Variants in KIF15 observed in about 807,000 individuals in gnomAD.
KIF15 encodes kinesin family member 15, also known as kinesin-like protein KIF15.
KIF15 carries 140 observed loss-of-function variants against 190.6 expected under a neutral mutation model. The observed-to-expected ratio is 0.73, with a 90% CI of 0.64 to 0.84. The LOEUF (loss-of-function observed/expected upper bound fraction) is 0.84, where lower values mean the gene tolerates loss of function less well. KIF15 is among the 40% of genes least tolerant of loss of function. The pLI is 0.00. For synonymous variants in KIF15, 528 were observed against 551.3 expected, an observed-to-expected ratio of 0.96 and a Z score of 0.59; for missense variants, 1,372 against 1,584.4, an observed-to-expected ratio of 0.87 and a Z score of 2.28.
intron 10 of KIF15, among the ~76,000 whole-genome samples, chr3:44,799,561 CT>C (rs749598603): frequency 2.2e-3 from 306 of 140,302 alleles, no homozygotes; most frequent in Non-Finnish European, 2.0e-3. Context: ...AATTAATCAA[CT>C]TTTTTTTTTT....
intron 10 of KIF15, among the ~76,000 whole-genome samples, chr3:44,799,583 G>A (rs1707162383): frequency 6.9e-6 from 1 of 144,664 alleles, no homozygotes; most frequent in Admixed American, 7.0e-5. Flanking sequence ...TTTTGAGATA[G>A]AGTCTCGCTC....
chr3:44,833,847 AT>A (rs1698185364), intron 26 of KIF15, among the ~76,000 whole-genome samples: 1 of 152,226 alleles, frequency 6.6e-6, no homozygotes, highest in Non-Finnish European at 1.5e-5. Context: ...TAGCAAGCCA[AT>A]TGAAAAGTTA....
chr3:44,779,185 C>G (rs1349952850), intron 4 of KIF15, among the ~76,000 whole-genome samples: 1 of 152,116 alleles, frequency 6.6e-6, no homozygotes, highest in Non-Finnish European at 1.5e-5. Flanking sequence ...TGTCCCTTTG[C>G]TATAGCTCAT....
intron 1 of KIF15, among the ~76,000 whole-genome samples, chr3:44,768,450 T>C (rs1281244035): frequency 2.6e-5 from 4 of 152,104 alleles, no homozygotes; most frequent in Admixed American, 2.6e-4. Context: ...AAAAGTGTGA[T>C]ACACCAGCTG....
chr3:44,770,315 G>A (rs969518185), intron 1 of KIF15, among the ~76,000 whole-genome samples: 2 of 152,042 alleles, frequency 1.3e-5, no homozygotes, highest in African/African-American at 2.4e-5. Context: ...TTTTACAGAG[G>A]GCTTTTAGAT....
intron 32 of KIF15, among the ~76,000 whole-genome samples, chr3:44,850,602 A>G (rs1417464991): frequency 1.3e-5 from 2 of 152,220 alleles, no homozygotes; most frequent in Non-Finnish European, 2.9e-5. Context: ...AGCCTACAAC[A>G]GCAATTTTAA....
At chr3:44,787,145 T>G (rs1706445847) in intron 7 of KIF15, among the ~76,000 whole-genome samples, 1 of 152,256 alleles carries the variant, frequency 6.6e-6, no homozygotes, top group African/African-American at 2.4e-5. Context: ...AGGAGGCTTT[T>G]AGACAATTTA....
rs145081859 is a variant in KIF15 at position 44,811,005 on chromosome 3, G to C, written c.2131G>C (p.Ala711Pro). Residue 711 changes from alanine (A) to proline (P), a missense_variant, in exon 17 of 35, where the codon GCT becomes CCT. By Grantham distance (27) the Ala-to-Pro change is conservative. Transcript: ENST00000326047. ...AGTTCCTCCTGAGATGAATGAACAAGCTTTTGAGGCCATTTCTGAAGAGCT... is the reference window on the plus strand; with the variant it reads ...AGTTCCTCCTGAGATGAATGAACAACCTTTTGAGGCCATTTCTGAAGAGCT... The part of the protein sequence containing the change: ...EPVPPEMNEQ[A>P]FEAISEELRT... 8.1e-5 allele frequency: 130 copies of C among 1,613,638 alleles called. No individual in the cohort carries two copies. In the African/African-American group the frequency reaches 1.5e-3, roughly 19 times the overall value.
chr3:44,848,458 T>C lies in KIF15; in HGVS notation c.3769-63T>C, dbSNP rs1455589903. On this transcript the variant is annotated intron_variant, in intron 31 of 34. Transcript: ENST00000326047. Reference sequence around the variant, plus strand: ...ATGGGCTGGTTCCTTTCTATCTTTTTTAAGCAATGTTATTTAAGAACCTAA... The same window carrying C: ...ATGGGCTGGTTCCTTTCTATCTTTTCTAAGCAATGTTATTTAAGAACCTAA... The C allele has an allele frequency of 4.0e-6, 3 of 756,332 alleles. No homozygotes were observed. In the African/African-American group the frequency reaches 5.4e-5, roughly 14 times the overall value. The allele number at this position is 756,332 out of a possible 1,614,324, so 46.9% of individuals were successfully genotyped here.
chr3:44,777,647 C>T (rs370568646), intron 3 of KIF15, among the ~76,000 whole-genome samples: 3 of 152,042 alleles, frequency 2.0e-5, no homozygotes, highest in Non-Finnish European at 2.9e-5. Context: ...GCCGAGATTG[C>T]GCCATTGCAC....
intron 20 of KIF15, among the ~76,000 whole-genome samples, chr3:44,815,840 C>T (rs114967724): frequency 0.019 from 2,839 of 152,172 alleles, 75 homozygotes; most frequent in African/African-American, 0.064. Context: ...ATGAATGTTA[C>T]ACTGTGAATG....
In KIF15 at chr3:44,796,730, AT is replaced by A. The variant is rs563149261; in HGVS notation, c.850-815del. The stretch of plus-strand genomic sequence containing the variant: ...AAATCTAATGTAACGTATTTAGCTC[AT>A]TTTTTCCCCCCACCAAGCTTCTGTT... On this transcript the variant is annotated intron_variant, in intron 8 of 34. Coordinates refer to ENST00000326047, the MANE Select transcript of KIF15 (RefSeq NM_020242.3). Among the ~76,000 whole-genome samples the A allele has an allele frequency of 3.0e-4, 46 of 152,156 alleles. 1 individual carries two copies. The highest frequency in any genetic ancestry group is 1.5e-3 in the Admixed American group (23 of 15,272).
chr3:44,857,785 G>C (rs768468436), downstream of KIF15, among the ~76,000 whole-genome samples: 1 of 152,226 alleles, frequency 6.6e-6, no homozygotes, highest in Non-Finnish European at 1.5e-5. Flanking sequence ...GATCGGCAGA[G>C]AGAGCACGTA....
downstream of KIF15, among the ~76,000 whole-genome samples, chr3:44,856,127 G>C (rs62242560): frequency 6.6e-6 from 1 of 151,894 alleles, no homozygotes; most frequent in African/African-American, 2.4e-5. Context: ...AGGAATTATG[G>C]CGGACAAAAG....
At position 44,830,967 on chromosome 3, in the gene KIF15, T is replaced by C. The variant is rs566572781; in HGVS notation, c.3120T>C (p.Ile1040=). Residue 1040 remains isoleucine (I), a synonymous_variant, in exon 26 of 35, where the codon ATT becomes ATC. Transcript: ENST00000326047. ...RVLIKKQEVD[I]LDLKETLRLR... ...TGATCAAGAAGCAGGAAGTGGATAT[T>C]CTGGATCTGAAAGAAACCCTTAGGC... 2.5e-6 allele frequency: 4 copies of C among 1,614,042 alleles called. No homozygotes were observed. The African/African-American group carries it at 4.0e-5, about 16-fold the overall frequency.
At chr3:44,772,754 A>G (rs1204125369) in intron 1 of KIF15, among the ~76,000 whole-genome samples, 1 of 152,130 alleles carries the variant, frequency 6.6e-6, no homozygotes, top group Non-Finnish European at 1.5e-5. Context: ...CTAAGGTCAC[A>G]CAGATATCAA....
chr3:44,786,641 C>A, intron 7 of KIF15, 67 bp downstream of exon 7: 1 of 1,304,152 alleles, frequency 7.7e-7, no homozygotes, highest in Non-Finnish European at 1.0e-6. Flanking sequence ...CCCCAAACTC[C>A]AAAAAGTGAC....
intron 26 of KIF15, 129 bp from the exon 27 acceptor site, chr3:44,838,146 C>A: frequency 2.3e-6 from 2 of 870,510 alleles, no homozygotes; most frequent in Non-Finnish European, 3.5e-6. Context: ...AATGGATTAG[C>A]ACACAAGCAA....
intron 24 of KIF15, among the ~76,000 whole-genome samples, 155 bp downstream of exon 24, chr3:44,828,455 C>G (rs1697797599): frequency 6.6e-6 from 1 of 152,174 alleles, no homozygotes; most frequent in South Asian, 2.1e-4. Flanking sequence ...CTCCAAGGTT[C>G]CTAGAGAATG....
Sources: gnomAD v4.1 joint callset for allele counts (sites outside exome capture counted in the v4.1 genomes callset) on GRCh38, gnomAD v4.1.1 for gene constraint, MANE v1.5 for transcripts, NCBI Gene and HGNC (gene_info 2026-07-23, HGNC 2026-07-21) for gene names.